ARID1B: variants seen among roughly 807,000 people sequenced by gnomAD.
ARID1B encodes the protein AT-rich interactive domain-containing protein 1B.
In ARID1B, 30 loss-of-function variants were observed where a neutral mutation model predicts 212.3. That is an observed-to-expected ratio of 0.14 (90% CI 0.11 to 0.19). The LOEUF is 0.19. Ranked by LOEUF, ARID1B falls within the 10% of genes least tolerant of loss-of-function variation. The pLI, the probability that ARID1B is intolerant of heterozygous loss-of-function variation, is 1.00. For missense variants in ARID1B, 2,891 were observed against 3,204.0 expected (o/e 0.90, Z 2.36); for synonymous variants, 1,402 against 1,301.7 (o/e 1.08, Z -1.66).
chr6:156,887,580 T>C (rs151285546), intron 2 of ARID1B, among the ~76,000 whole-genome samples: 1 of 152,178 alleles, frequency 6.6e-6, no homozygotes, highest in Non-Finnish European at 1.5e-5. Context: ...TTTGATGGGC[T>C]TGGCATTTTC....
Position 157,039,682 on chromosome 6 carries a change from C to CTTCTTTCTTTCT in ARID1B, c.2248-44977_2248-44976insTTTCTTTCTTTC, listed in dbSNP as rs1562569236. 1.2e-3 allele frequency among the ~76,000 whole-genome samples: 90 copies of CTTCTTTCTTTCT among 75,528 alleles called. 2 individuals are homozygous for CTTCTTTCTTTCT. The highest frequency in any genetic ancestry group is 8.6e-3 in the East Asian group (23 of 2,662). The allele number at this position is 75,528 out of a possible 152,430, so 49.5% of individuals were successfully genotyped here. A position where few individuals can be genotyped will look rare whatever the true frequency, so the allele number is the denominator to read the frequency against. ...CCTTCCTTCCTTCCTTCCTTCCTTCCTTCCTTCCTTCCTTCTTTCTTTCCT... is the reference window on the plus strand; with the variant it reads ...CCTTCCTTCCTTCCTTCCTTCCTTCCTTCTTTCTTTCTTTCCTTCCTTCCTTCTTTCTTTCCT... On this transcript the variant is annotated intron_variant, in intron 4 of 19. Coordinates refer to ENST00000636930, the MANE Select transcript of ARID1B (RefSeq NM_001374828.1).
intron 9 of ARID1B, among the ~76,000 whole-genome samples, chr6:157,171,493 AT>A (rs1212107340): frequency 3.9e-5 from 6 of 152,342 alleles, no homozygotes; most frequent in African/African-American, 1.4e-4. Flanking sequence ...TTCCTTGAGA[AT>A]TCTGGTAAGA....
chr6:157,118,407 C>T (rs1787475311), intron 6 of ARID1B, among the ~76,000 whole-genome samples: 1 of 152,170 alleles, frequency 6.6e-6, no homozygotes, highest in Non-Finnish European at 1.5e-5. Context: ...GTAAGTGTAT[C>T]ATTTTCCTAA....
rs533497711 is a variant in ARID1B at position 156,894,785 on chromosome 6, C to G, written c.1987-6591C>G. Among the ~76,000 whole-genome samples the G allele has an allele frequency of 2.0e-4, 30 of 152,320 alleles. 1 individual carries two copies. Among genetic ancestry groups the G allele is most frequent in the African/African-American group, 6.3e-4 (26 of 41,572 alleles). On this transcript the variant is annotated intron_variant, in intron 2 of 19. Transcript: ENST00000636930. ...CTTCAAAGCTCACATCAAGGAGGTT[C>G]TAATATCTGTTCCAGTGTTTTTCTA...
intron 2 of ARID1B, chr6:156,871,676 T>G (rs376766096): frequency 1.2e-6 from 2 of 1,609,494 alleles, no homozygotes; most frequent in Non-Finnish European, 1.7e-6. Flanking sequence ...TACATGCTCT[T>G]ACTTGCTCCA....
chr6:157,138,200 TTTGG>T (rs147835417), intron 7 of ARID1B, among the ~76,000 whole-genome samples: 4,112 of 149,054 alleles, frequency 0.028, 98 homozygotes, highest in African/African-American at 0.068. Flanking sequence ...AACCTCCATC[TTTGG>T]TTGGTTGGTT....
intron 4 of ARID1B, among the ~76,000 whole-genome samples, chr6:157,017,364 A>G (rs540017353): frequency 6.6e-6 from 1 of 152,346 alleles, no homozygotes; most frequent in South Asian, 2.1e-4. Context: ...TAATACTTCC[A>G]ATCAGTAAAA....
intron 2 of ARID1B, among the ~76,000 whole-genome samples, chr6:156,897,935 T>TTTG (rs137967509): frequency 1.4e-3 from 213 of 152,252 alleles, no homozygotes; most frequent in African/African-American, 5.0e-3. Context: ...TCAACAGATG[T>TTTG]TTGTTGACGC....
At chr6:156,868,767 T>TACAAA (rs1376505458) in intron 2 of ARID1B, among the ~76,000 whole-genome samples, 1 of 152,216 alleles carries the variant, frequency 6.6e-6, no homozygotes, top group Admixed American at 6.5e-5. Context: ...TTTAAGACAA[T>TACAAA]ACAAAACAAA....
chr6:157,150,099 T>G (rs558098853), intron 8 of ARID1B: 1 of 152,328 alleles, frequency 6.6e-6, no homozygotes, highest in South Asian at 2.1e-4. Context: ...CTGGTTTGGC[T>G]GTTGAAATTG....
intron 4 of ARID1B, among the ~76,000 whole-genome samples, chr6:156,950,504 G>A (rs908270826): frequency 2.6e-5 from 4 of 152,168 alleles, no homozygotes; most frequent in South Asian, 2.1e-4. Flanking sequence ...AAATAATTAC[G>A]TTAATATAGG....
chr6:157,154,130 A>G (rs1481743144), intron 8 of ARID1B, among the ~76,000 whole-genome samples: 2 of 152,220 alleles, frequency 1.3e-5, no homozygotes, highest in Non-Finnish European at 2.9e-5. Context: ...TGGAAATTTC[A>G]GCATTATCCA....
intron 3 of ARID1B, among the ~76,000 whole-genome samples, chr6:156,920,410 C>A (rs1790688870): frequency 6.6e-6 from 1 of 152,218 alleles, no homozygotes. Context: ...TTGCTACTCT[C>A]AGCTGCTTTC....
rs1448473162 is a variant in ARID1B at position 157,010,302 on chromosome 6, T to TTTG, written c.2248-74345_2248-74343dup. Among the ~76,000 whole-genome samples, 613 of 120,418 alleles carry TTTG rather than the reference T, an allele frequency of 5.1e-3. 20 individuals carry two copies. Among genetic ancestry groups the TTTG allele is most frequent in the East Asian group, 0.016 (54 of 3,456 alleles). The allele number at this position is 120,418 out of a possible 152,430, so 79.0% of individuals were successfully genotyped here. ...TGTTTTTTTTTTTTTTTTTTTTTTT[T>TTTG]TTGTTGTTGTTGTTGTTTTGGTTTG... On this transcript the variant is annotated intron_variant, in intron 4 of 19. Coordinates refer to ENST00000636930, the MANE Select transcript of ARID1B (RefSeq NM_001374828.1).
chr6:156,975,359 G>C (rs1008420066), intron 4 of ARID1B, among the ~76,000 whole-genome samples: 3 of 152,064 alleles, frequency 2.0e-5, no homozygotes, highest in Non-Finnish European at 4.4e-5. Context: ...TGAGTTTTAA[G>C]GGTTCTTTAT....
At chr6:157,005,069 C>T (rs1239990155) in intron 4 of ARID1B, among the ~76,000 whole-genome samples, 5 of 151,528 alleles carry the variant, frequency 3.3e-5, no homozygotes, top group South Asian at 2.1e-4. Context: ...TGCACCACCA[C>T]GCCTGGCTAA....
chr6:156,834,087 T>G (rs1783330454), intron 2 of ARID1B, among the ~76,000 whole-genome samples: 1 of 152,338 alleles, frequency 6.6e-6, no homozygotes, highest in Admixed American at 6.5e-5. Context: ...TTAAATGTAA[T>G]TAAAGCCACG....
At chr6:156,886,295 T>C (rs287868) in intron 2 of ARID1B, among the ~76,000 whole-genome samples, 136,732 of 152,244 alleles carry the variant, frequency 0.9, 61,593 homozygotes, top group African/African-American at 0.97. Context: ...TGGGTTTAAG[T>C]GATTCTCTTG....
At chr6:157,065,638 A>G (rs1783630971) in intron 4 of ARID1B, among the ~76,000 whole-genome samples, 1 of 152,234 alleles carries the variant, frequency 6.6e-6, no homozygotes, top group South Asian at 2.1e-4. Flanking sequence ...ACCTACCCAT[A>G]GAAACTTCCG....
Sources: allele counts gnomAD v4.1 joint callset (sites outside exome capture counted in the v4.1 genomes callset), GRCh38; gene constraint gnomAD v4.1.1; transcripts MANE v1.5; gene names NCBI Gene and HGNC (gene_info 2026-07-23, HGNC 2026-07-21).